UAP1: variants seen among roughly 807,000 people sequenced by gnomAD.
The protein encoded by UAP1 is UDP-N-acetylglucosamine pyrophosphorylase 1, also known as UDP-N-acetylhexosamine pyrophosphorylase.
In UAP1, 25 loss-of-function variants were observed where a neutral mutation model predicts 58.5. That is an observed-to-expected ratio of 0.43 (90% CI 0.31 to 0.60). The LOEUF (loss-of-function observed/expected upper bound fraction) is 0.60, where lower values mean the gene tolerates loss of function less well. Among genes scored for constraint, UAP1 ranks in the 20% least tolerant of loss-of-function variants. The pLI, the probability that UAP1 is intolerant of heterozygous loss-of-function variation, is 0.11. For synonymous variants in UAP1, 208 were observed against 213.0 expected, an observed-to-expected ratio of 0.98 and a Z score of 0.21; for missense variants, 575 against 630.0, an observed-to-expected ratio of 0.91 and a Z score of 0.93.
At chr1:162,565,175 C>A (rs1653412008) in intron 1 of UAP1, among the ~76,000 whole-genome samples, 1 of 152,128 alleles carries the variant, frequency 6.6e-6, no homozygotes, top group Non-Finnish European at 1.5e-5. Context: ...TCTGCCCAAC[C>A]CTTAACACAT....
At chr1:162,576,631 G>A (rs2101767695) in intron 2 of UAP1, 146 bp from the exon 3 acceptor site, 1 of 709,818 alleles carries the variant, frequency 1.4e-6, no homozygotes, top group East Asian at 2.7e-5. Context: ...CCACTAGCCT[G>A]TACCCAAAAT....
intron 9 of UAP1, chr1:162,597,497 A>C: frequency 3.4e-6 from 1 of 295,406 alleles, no homozygotes; most frequent in Non-Finnish European, 6.3e-6. Context: ...TGAAACTTGG[A>C]AATGGTTAAA....
chr1:162,587,686 G>A lies in UAP1; in HGVS notation c.1028+18G>A. 1 of 1,598,104 alleles carries A rather than the reference G, an allele frequency of 6.3e-7. No individual in the cohort carries two copies. The highest frequency in any genetic ancestry group is 8.5e-7 in the Non-Finnish European group (1 of 1,170,068). On this transcript the variant is annotated intron_variant, in intron 6 of 10. Transcript: ENST00000271469. ...GTTGTCAAGTATGGGCAAGATGGGGGCCTTTTAAAATTATATTTATTGTTA... is the reference window on the plus strand; with the variant it reads ...GTTGTCAAGTATGGGCAAGATGGGGACCTTTTAAAATTATATTTATTGTTA...
chr1:162,598,502 A>G (rs1396611329), intron 10 of UAP1, among the ~76,000 whole-genome samples: 1 of 152,218 alleles, frequency 6.6e-6, no homozygotes, highest in Non-Finnish European at 1.5e-5. Context: ...CTTTTGAAAA[A>G]TATATAATCA....
At chr1:162,588,717 C>G in exon 7 of UAP1, 1 of 1,611,274 alleles carries the variant, frequency 6.2e-7, no homozygotes. Context: ...AGTTGCAGCA[C>G]CATGTGGCTC....
intron 9 of UAP1, chr1:162,593,003 G>C (rs1655412765): frequency 1.8e-6 from 1 of 546,690 alleles, no homozygotes; most frequent in Non-Finnish European, 3.3e-6. Context: ...CTTTACTAAA[G>C]AATCTGACCA....
At chr1:162,571,363 C>T (rs1165805401) in intron 2 of UAP1, among the ~76,000 whole-genome samples, 1 of 152,074 alleles carries the variant, frequency 6.6e-6, no homozygotes, top group African/African-American at 2.4e-5. Flanking sequence ...CTCCTGACCT[C>T]AAGTGATTTG....
chr1:162,598,515 C>T (rs1655744821), intron 10 of UAP1, among the ~76,000 whole-genome samples: 1 of 152,104 alleles, frequency 6.6e-6, no homozygotes, highest in Non-Finnish European at 1.5e-5. Context: ...TATAATCAGC[C>T]TTGTTTTTTA....
intron 2 of UAP1, among the ~76,000 whole-genome samples, chr1:162,568,009 A>G (rs1415460202): frequency 6.6e-6 from 1 of 151,962 alleles, no homozygotes; most frequent in African/African-American, 2.4e-5. Context: ...TGTTGGCCAG[A>G]CTGGTCTCGA....
intron 5 of UAP1, among the ~76,000 whole-genome samples, chr1:162,586,479 C>G (rs1254489054): frequency 6.6e-6 from 1 of 151,110 alleles, no homozygotes; most frequent in Non-Finnish European, 1.5e-5. Flanking sequence ...AGCATGCCAC[C>G]ACGCCTGGCT....
At chr1:162,563,595 C>T (rs1439141207) in intron 1 of UAP1, among the ~76,000 whole-genome samples, 1 of 152,116 alleles carries the variant, frequency 6.6e-6, no homozygotes, top group Non-Finnish European at 1.5e-5. Context: ...CATCTCTTGA[C>T]CTCATGATCC....
intron 8 of UAP1, among the ~76,000 whole-genome samples, chr1:162,591,764 G>A (rs1288129202): frequency 6.6e-6 from 1 of 151,256 alleles, no homozygotes; most frequent in Non-Finnish European, 1.5e-5. Context: ...GGGATTACAG[G>A]CGTGAGCCGC....
At chr1:162,563,890 A>G (rs1321552112) in intron 1 of UAP1, among the ~76,000 whole-genome samples, 2 of 152,184 alleles carry the variant, frequency 1.3e-5, no homozygotes, top group Non-Finnish European at 2.9e-5. Flanking sequence ...CAGGGAGGTA[A>G]AATGATTGCA....
chr1:162,589,533 G>T (rs1655171796), intron 7 of UAP1, among the ~76,000 whole-genome samples: 1 of 151,504 alleles, frequency 6.6e-6, no homozygotes, highest in African/African-American at 2.4e-5. Context: ...GTCTCGTTTT[G>T]TATTTAGGAT....
At chr1:162,600,762 G>A (rs74116769), downstream of UAP1, among the ~76,000 whole-genome samples, 1,296 of 150,798 alleles carry the variant, frequency 8.6e-3, 9 homozygotes, top group African/African-American at 0.03. Flanking sequence ...TTCAATAACA[G>A]CTCAATTTTG....
rs1027801911 is a variant in UAP1, at chr1:162,590,264, G to T, written c.1170-59G>T. On this transcript the variant is annotated intron_variant, in intron 7 of 10. Coordinates refer to ENST00000271469, the Ensembl canonical transcript of UAP1. ...GACCAAAGCCTTAGCTATGTTAAAG[G>T]GTTAGAAGCTGTGTATGCAGTTTCA... 4.7e-4 allele frequency: 652 copies of T among 1,393,978 alleles called. 3 individuals are homozygous for T. The highest frequency in any genetic ancestry group is 8.5e-5 in the Non-Finnish European group (87 of 1,021,358). 86.4% of individuals were successfully genotyped at this position (1,393,978 alleles called of 1,614,324 possible).
At chr1:162,570,104 G>C (rs1007866240) in intron 2 of UAP1, among the ~76,000 whole-genome samples, 9 of 150,892 alleles carry the variant, frequency 6.0e-5, no homozygotes, top group Admixed American at 2.0e-4. Flanking sequence ...AGCCAAGATC[G>C]TGCCACTGTA....
intron 5 of UAP1, among the ~76,000 whole-genome samples, chr1:162,584,121 G>A (rs1400665884): frequency 6.6e-6 from 1 of 152,204 alleles, no homozygotes; most frequent in Non-Finnish European, 1.5e-5. Context: ...TAACTTTTGT[G>A]AGTACACTAA....
chr1:162,578,437 C>T (rs1018356183), intron 3 of UAP1, among the ~76,000 whole-genome samples: 2 of 152,206 alleles, frequency 1.3e-5, no homozygotes, highest in East Asian at 1.9e-4. Context: ...CGTAGCTCTT[C>T]TAGCTCTTCT....
Sources: allele counts gnomAD v4.1 joint callset (sites outside exome capture counted in the v4.1 genomes callset), GRCh38; gene constraint gnomAD v4.1.1; transcripts MANE v1.5; gene names NCBI Gene and HGNC (gene_info 2026-07-23, HGNC 2026-07-21).